Variants in NTNG1 observed in about 807,000 individuals in gnomAD.
NTNG1 encodes netrin-G1.
A neutral mutation model predicts 54.0 loss-of-function variants in NTNG1; 16 were observed. The observed-to-expected ratio is 0.30, with a 90% CI of 0.20 to 0.45. The LOEUF (loss-of-function observed/expected upper bound fraction) is 0.45, where lower values mean the gene tolerates loss of function less well. Among genes scored for constraint, NTNG1 ranks in the 20% least tolerant of loss-of-function variants. The probability of loss-of-function intolerance (pLI) is 1.00; values close to 1 mark genes in which losing one functional copy is unlikely to be tolerated. For missense variants in NTNG1, 530 were observed against 678.7 expected (o/e 0.78, Z 2.43); for synonymous variants, 255 against 263.1 (o/e 0.97, Z 0.30).
At chr1:107,291,280 T>A (rs1404288476) in intron 2 of NTNG1, among the ~76,000 whole-genome samples, 2 of 152,134 alleles carry the variant, frequency 1.3e-5, no homozygotes, top group Non-Finnish European at 2.9e-5. Flanking sequence ...TACTTTATTG[T>A]AAGAATATAG....
upstream of NTNG1, chr1:107,140,716 G>A (rs1370409269): frequency 6.6e-6 from 1 of 150,584 alleles, no homozygotes; most frequent in African/African-American, 2.5e-5. Context: ...CCTGGCCGCT[G>A]GTTCTGATCC....
intron 3 of NTNG1, among the ~76,000 whole-genome samples, chr1:107,372,709 A>G (rs1044964787): frequency 6.6e-6 from 1 of 152,092 alleles, no homozygotes; most frequent in African/African-American, 2.4e-5. Context: ...CAAATTTTCT[A>G]TCTACTTGTT....
At chr1:107,447,621 G>T (rs1027385589) in intron 7 of NTNG1, among the ~76,000 whole-genome samples, 5 of 152,078 alleles carry the variant, frequency 3.3e-5, no homozygotes, top group African/African-American at 9.7e-5. Context: ...AGACTGTCCA[G>T]GGTCTAGGCA....
rs72697660 is a variant in NTNG1 at position 107,148,070 on chromosome 1, G to A, written c.-524G>A. 1,985 of 154,802 alleles carry A rather than the reference G, an allele frequency of 0.013. 23 individuals are homozygous for A. Among genetic ancestry groups the A allele is most frequent in the South Asian group, 0.025 (124 of 4,974 alleles). The allele number at this position is 154,802 out of a possible 1,614,324, so 9.6% of individuals were successfully genotyped here. A position where few individuals can be genotyped will look rare whatever the true frequency, so the allele number is the denominator to read the frequency against. ...ACTTACTCTTATTGTTTCTAAAAGG[G>A]TGTTGGTGCCAGAAGAAAAGAATGA... On this transcript the variant is annotated splice_region_variant and 5_prime_UTR_variant, in exon 2 of 8. In the 5' UTR this introduces an upstream ATG that the reference lacks. Coordinates refer to ENST00000370068, the MANE Select transcript of NTNG1 (RefSeq NM_001113226.3).
intron 6 of NTNG1, 51 bp from the exon 7 acceptor site, chr1:107,436,614 T>C (rs1675612077): frequency 6.3e-7 from 1 of 1,582,438 alleles, no homozygotes; most frequent in Non-Finnish European, 8.6e-7. Context: ...GTTGATAACC[T>C]GTAAGCCATG....
chr1:107,302,693 T>A (rs10785820), intron 2 of NTNG1, among the ~76,000 whole-genome samples: 58,082 of 151,916 alleles, frequency 0.38, 11,228 homozygotes, highest in East Asian at 0.49. Context: ...CTCATAATTA[T>A]CTTCTTTTGT....
At chr1:107,399,161 G>A (rs769040665) in intron 4 of NTNG1, among the ~76,000 whole-genome samples, 1 of 152,082 alleles carries the variant, frequency 6.6e-6, no homozygotes, top group African/African-American at 2.4e-5. Flanking sequence ...CATTTGAAAA[G>A]TCCTACAATA....
chr1:107,412,369 A>G (rs1273802893), intron 5 of NTNG1, among the ~76,000 whole-genome samples: 1 of 152,188 alleles, frequency 6.6e-6, no homozygotes, highest in Non-Finnish European at 1.5e-5. Flanking sequence ...AGGTATTCCC[A>G]CATGTCTACA....
chr1:107,140,416 G>A (rs990111771), upstream of NTNG1, among the ~76,000 whole-genome samples: 1 of 151,678 alleles, frequency 6.6e-6, no homozygotes, highest in African/African-American at 2.4e-5. Flanking sequence ...GTCCCGGCCG[G>A]GAGCCGCTGG....
intron 2 of NTNG1, among the ~76,000 whole-genome samples, chr1:107,157,356 C>G (rs975097949): frequency 3.3e-5 from 5 of 152,116 alleles, no homozygotes; most frequent in Admixed American, 3.3e-4. Flanking sequence ...ATTTTACACT[C>G]TAAGGTTCTT....
At chr1:107,175,995 A>G (rs1656616592) in intron 2 of NTNG1, among the ~76,000 whole-genome samples, 1 of 152,172 alleles carries the variant, frequency 6.6e-6, no homozygotes, top group South Asian at 2.1e-4. Context: ...ATCAATAGCT[A>G]CTTATTGAGG....
At position 107,429,045 on chromosome 1, in the gene NTNG1, C is replaced by T. The variant is rs149389762; in HGVS notation, c.1088-1705C>T. 3.0e-3 allele frequency among the ~76,000 whole-genome samples: 451 copies of T among 152,202 alleles called. 1 individual carries two copies. Among genetic ancestry groups the T allele is most frequent in the Admixed American group, 5.8e-3 (88 of 15,256 alleles). On this transcript the variant is annotated intron_variant, in intron 5 of 7. Transcript: ENST00000370068. ...ATACTCGCCTCCCCTCTGACTTCTT[C>T]CTGTCCTCACACTCACCCTTCTCTC...
At chr1:107,326,826 A>G (rs1667984442) in intron 3 of NTNG1, among the ~76,000 whole-genome samples, 1 of 152,114 alleles carries the variant, frequency 6.6e-6, no homozygotes, top group African/African-American at 2.4e-5. Flanking sequence ...TGTTATTAGT[A>G]TTCATTTTGT....
intron 3 of NTNG1, among the ~76,000 whole-genome samples, chr1:107,328,599 T>C (rs547271918): frequency 3.3e-5 from 5 of 152,256 alleles, no homozygotes; most frequent in African/African-American, 1.2e-4. Flanking sequence ...ATAGATAATG[T>C]CCAAAATGTT....
In NTNG1 at chr1:107,392,100, A is replaced by G. The variant is rs926115715; in HGVS notation, c.888-3054A>G. Among the ~76,000 whole-genome samples the G allele has an allele frequency of 4.2e-4, 64 of 152,116 alleles. 1 individual carries two copies. Among genetic ancestry groups the G allele is most frequent in the Admixed American group, 4.2e-3 (64 of 15,262 alleles). ...AGTTTGGGGACATATTGAGTTAAGTATGTCCAGGAGGCATTTTGATGAATA... is the reference window on the plus strand; with the variant it reads ...AGTTTGGGGACATATTGAGTTAAGTGTGTCCAGGAGGCATTTTGATGAATA... On this transcript the variant is annotated intron_variant, in intron 3 of 7. Transcript: ENST00000370068.
intron 3 of NTNG1, among the ~76,000 whole-genome samples, chr1:107,350,293 C>T (rs1421207212): frequency 6.6e-6 from 1 of 152,076 alleles, no homozygotes; most frequent in Non-Finnish European, 1.5e-5. Context: ...AATTCTTCAT[C>T]AGTTTTATCT....
chr1:107,315,649 C>T (rs1268266515), intron 2 of NTNG1, among the ~76,000 whole-genome samples: 1 of 152,148 alleles, frequency 6.6e-6, no homozygotes, highest in Non-Finnish European at 1.5e-5. Flanking sequence ...AGCCTTGAGT[C>T]CCAAGGTGTA....
chr1:107,201,442 T>G (rs1361188997), intron 2 of NTNG1, among the ~76,000 whole-genome samples: 3 of 151,888 alleles, frequency 2.0e-5, no homozygotes, highest in Non-Finnish European at 4.4e-5. Context: ...CAAGGATTTC[T>G]TCTTCATTTC....
intron 2 of NTNG1, among the ~76,000 whole-genome samples, chr1:107,269,285 A>C (rs1374991525): frequency 6.6e-6 from 1 of 152,084 alleles, no homozygotes; most frequent in African/African-American, 2.4e-5. Flanking sequence ...TACTTCCCAA[A>C]TCTACATGAC....
Sources: gnomAD v4.1 joint callset for allele counts (sites outside exome capture counted in the v4.1 genomes callset) on GRCh38, gnomAD v4.1.1 for gene constraint, MANE v1.5 for transcripts, NCBI Gene and HGNC (gene_info 2026-07-23, HGNC 2026-07-21) for gene names.